SMIM9: variants seen among roughly 807,000 people sequenced by gnomAD.
The protein encoded by SMIM9 is small integral membrane protein 9.
A neutral mutation model predicts 7.2 loss-of-function variants in SMIM9; 8 were observed. The observed-to-expected ratio is 1.10, with a 90% confidence interval of 0.65 to 1.99. SMIM9 has a LOEUF of 1.99. Among genes scored for constraint, SMIM9 ranks in the 30% most tolerant of loss-of-function variants. The pLI, the probability that SMIM9 is intolerant of heterozygous loss-of-function variation, is 0.00. For synonymous variants in SMIM9, 19 were observed against 26.4 expected, an observed-to-expected ratio of 0.72 and a Z score of 0.86; for missense variants, 76 against 69.3, an observed-to-expected ratio of 1.10 and a Z score of -0.34.
rs1557270014 is a variant in SMIM9, at chrX:154,823,495, C to T, written c.*260G>A. 2 of 278,867 alleles carry T rather than the reference C, an allele frequency of 7.2e-6. No individual in the cohort carries two copies. Among genetic ancestry groups the T allele is most frequent in the Non-Finnish European group, 1.3e-5 (2 of 159,692 alleles). The allele number at this position is 278,867 out of a possible 1,213,427, so 23.0% of individuals were successfully genotyped here. ...TTTCTGGTTGCTAGAATTATGGAAA[C>T]TTACTCTTTTCTCTGTATTTCTCAA... On this transcript the variant is annotated 3_prime_UTR_variant, in exon 5 of 5. Coordinates refer to ENST00000369529, the MANE Select transcript of SMIM9 (RefSeq NM_001162936.4).
At position 154,823,606 on chromosome X, in the gene SMIM9, A is replaced by G; in HGVS notation, c.*149T>C. The stretch of plus-strand genomic sequence containing the variant: ...ATTTTAAAATTGCAACTTTTGAAGG[A>G]GAAAATGAAGGCAAAGGATGATTCA... On this transcript the variant is annotated 3_prime_UTR_variant, in exon 5 of 5. Coordinates refer to ENST00000369529, the MANE Select transcript of SMIM9 (RefSeq NM_001162936.4). 4.2e-6 allele frequency: 2 copies of G among 480,588 alleles called. No homozygotes were observed. Among genetic ancestry groups the G allele is most frequent in the East Asian group, 4.1e-5 (1 of 24,185 alleles). 39.6% of individuals were successfully genotyped at this position (480,588 alleles called of 1,213,427 possible).
intron 4 of SMIM9, among the ~76,000 whole-genome samples, chrX:154,828,371 A>G (rs1194862528): frequency 9.0e-6 from 1 of 111,561 alleles, no homozygotes; most frequent in Non-Finnish European, 1.9e-5. Context: ...AAATAGGAAG[A>G]ATGAGAGACA....
chrX:154,833,305 A>AAAG (rs1444515128), intron 1 of SMIM9, among the ~76,000 whole-genome samples: 1 of 112,741 alleles, frequency 8.9e-6, no homozygotes, highest in Non-Finnish European at 1.9e-5. Context: ...GTTAACGTAC[A>AAAG]AAGAACTCTT....
intron 2 of SMIM9, among the ~76,000 whole-genome samples, chrX:154,831,746 T>C (rs142389468): frequency 0.035 from 3,883 of 110,607 alleles, 210 homozygotes; most frequent in African/African-American, 0.12. Context: ...GCTAGGCATG[T>C]TCCTACCTTG....
chrX:154,824,355 C>CAAAAAAAAAAAAAAAAAAAAA (rs375492512), intron 4 of SMIM9, among the ~76,000 whole-genome samples: 1 of 42,422 alleles, frequency 2.4e-5, no homozygotes, highest in Non-Finnish European at 4.2e-5. Flanking sequence ...GACTCCGTCT[C>CAAAAAAAAAAAAAAAAAAAAA]AAAAAAAAAA....
At chrX:154,824,083 C>T (rs191257485) in intron 4 of SMIM9, among the ~76,000 whole-genome samples, 6 of 110,764 alleles carry the variant, frequency 5.4e-5, no homozygotes, top group Admixed American at 2.9e-4. Context: ...GTGGGCCGGG[C>T]GCGGTGGCTC....
intron 2 of SMIM9, among the ~76,000 whole-genome samples, chrX:154,831,222 G>A (rs2072444362): frequency 9.0e-6 from 1 of 111,616 alleles, no homozygotes. Flanking sequence ...GCTGAAAAAG[G>A]TACATTCACA....
intron 3 of SMIM9, 64 bp downstream of exon 3, chrX:154,830,651 T>G (rs2072441113): frequency 1.1e-5 from 12 of 1,106,446 alleles, no homozygotes; most frequent in Non-Finnish European, 1.4e-5. Context: ...TTACCTGACC[T>G]GAACTGAAAC....
chrX:154,824,366 A>AG (rs2072411510), intron 4 of SMIM9, among the ~76,000 whole-genome samples: 1 of 106,746 alleles, frequency 9.4e-6, no homozygotes, highest in Non-Finnish European at 1.9e-5. Context: ...AAAAAAAAAA[A>AG]AAAAAAAAAA....
intron 4 of SMIM9, among the ~76,000 whole-genome samples, chrX:154,825,918 T>C (rs1557270212): frequency 1.5e-5 from 1 of 66,545 alleles, no homozygotes; most frequent in Non-Finnish European, 2.8e-5. Context: ...TGGGGACTGT[T>C]GTGGGGTGGA....
In SMIM9 at chrX:154,829,534, C is replaced by A; in HGVS notation, c.272+1G>T. 8.6e-7 allele frequency: 1 copy of A among 1,166,515 alleles called. No homozygotes were observed. The highest frequency in any genetic ancestry group is 1.1e-6 in the Non-Finnish European group (1 of 872,354). ...TGTCTCTTCTTCCCACAGAAGCTTA[C>A]GTGAAGCAGCAGAGGATCCCCATTA... On this transcript the variant is annotated splice_donor_variant, in intron 4 of 4. Transcript: ENST00000369529. LOFTEE classifies it high-confidence loss of function.
chrX:154,824,613 G>T (rs140727130), intron 4 of SMIM9, among the ~76,000 whole-genome samples: 152 of 111,946 alleles, frequency 1.4e-3, no homozygotes, highest in Admixed American at 3.9e-3. Context: ...GATATTTCAT[G>T]AATATGTTTC....
At chrX:154,829,356 A>C (rs2072434413) in intron 4 of SMIM9, among the ~76,000 whole-genome samples, 179 bp downstream of exon 4, 1 of 112,169 alleles carries the variant, frequency 8.9e-6, no homozygotes, top group South Asian at 3.7e-4. Flanking sequence ...GAAGTAAAAG[A>C]GAAAGTAGAC....
At chrX:154,825,505 G>A (rs1484720306) in intron 4 of SMIM9, among the ~76,000 whole-genome samples, 7 of 110,745 alleles carry the variant, frequency 6.3e-5, no homozygotes, top group African/African-American at 1.6e-4. Context: ...TGTGGAAATC[G>A]GTGTGGCGAT....
intron 3 of SMIM9, 109 bp downstream of exon 3, chrX:154,830,606 T>G: frequency 1.0e-6 from 1 of 1,002,855 alleles, no homozygotes; most frequent in Non-Finnish European, 1.3e-6. Flanking sequence ...TAGTTTGCTT[T>G]CCTATGAACA....
chrX:154,829,473 T>C lies in SMIM9; in HGVS notation c.272+62A>G, dbSNP rs1436405648. The C allele has an allele frequency of 6.2e-6, 7 of 1,135,401 alleles. No homozygotes were observed. In the African/African-American group the frequency reaches 1.3e-4, roughly 21 times the overall value. 93.6% of individuals were successfully genotyped at this position (1,135,401 alleles called of 1,213,427 possible). A position where few individuals can be genotyped will look rare whatever the true frequency, so the allele number is the denominator to read the frequency against. The stretch of plus-strand genomic sequence containing the variant: ...TGCAGGCTGGTGAGCAACCTGTTTC[T>C]GTTCCCACCCCCCTTCACATTCCCT... On this transcript the variant is annotated intron_variant, in intron 4 of 4. Transcript: ENST00000369529.
At chrX:154,828,605 A>G (rs1268272780) in intron 4 of SMIM9, among the ~76,000 whole-genome samples, 1 of 111,876 alleles carries the variant, frequency 8.9e-6, no homozygotes, top group East Asian at 2.8e-4. Flanking sequence ...ATTGTTTACA[A>G]CAGATGGCTC....
Position 154,823,774 on chromosome X carries a change from A to G in SMIM9, c.281T>C (p.Val94Ala), listed in dbSNP as rs1199217465. 2.6e-6 allele frequency: 3 copies of G among 1,162,503 alleles called. No homozygotes were observed. Among genetic ancestry groups the G allele is most frequent in the African/African-American group, 3.6e-5 (2 of 55,727 alleles). ...MGILCCFTIL[V>A]VDPVH is the part of the protein sequence containing the mutation. ...AGTTCTTCAGTGGACTGGATCAACT[A>G]CAAGAATGCTGGGAAAGGAAGATAA... is the stretch of plus-strand genomic sequence containing the variant. The change falls in exon 5 of 5, where the codon GTA becomes GCA. Residue 94 changes from valine to alanine, a missense_variant. Coordinates refer to ENST00000369529, the MANE Select transcript of SMIM9 (RefSeq NM_001162936.4).
chrX:154,829,760 T>C lies in SMIM9; in HGVS notation c.143-96A>G, dbSNP rs782731460. ...TTCGAGTTCAAATAGTTGTCCCAGATATCATGTTCTTACAGTTGTCCAGAG... is the reference window on the plus strand; with the variant it reads ...TTCGAGTTCAAATAGTTGTCCCAGACATCATGTTCTTACAGTTGTCCAGAG... On this transcript the variant is annotated intron_variant, in intron 3 of 4. Coordinates refer to ENST00000369529, the MANE Select transcript of SMIM9 (RefSeq NM_001162936.4). 38 of 940,055 alleles carry C rather than the reference T, an allele frequency of 4.0e-5. No homozygotes were observed. In the African/African-American group the frequency reaches 4.7e-4, roughly 12 times the overall value. 77.5% of individuals were successfully genotyped at this position (940,055 alleles called of 1,213,427 possible).
Sources: gnomAD v4.1 joint callset for allele counts (sites outside exome capture counted in the v4.1 genomes callset) on GRCh38, gnomAD v4.1.1 for gene constraint, MANE v1.5 for transcripts, NCBI Gene and HGNC (gene_info 2026-07-23, HGNC 2026-07-21) for gene names.